Variants in CCDC102B observed in about 807,000 individuals in gnomAD.
CCDC102B encodes coiled-coil domain-containing protein 102B.
A neutral mutation model predicts 57.4 loss-of-function variants in CCDC102B; 75 were observed. The ratio of observed to expected loss-of-function variants is 1.31; its 90% confidence interval spans 1.08 to 1.58. The LOEUF (loss-of-function observed/expected upper bound fraction) is 1.58. CCDC102B is among the 40% of genes most tolerant of loss of function. The pLI is 0.00. For synonymous variants in CCDC102B, 206 were observed against 201.9 expected (o/e 1.02, Z -0.17); for missense variants, 636 against 582.6 (o/e 1.09, Z -0.94).
At chr18:68,809,394 G>T (rs2036158215) in intron 1 of CCDC102B, among the ~76,000 whole-genome samples, 1 of 152,148 alleles carries the variant, frequency 6.6e-6, no homozygotes, top group Admixed American at 6.5e-5. Flanking sequence ...GTTTAAGTTT[G>T]TGTTATAGTT....
chr18:68,727,812 C>T (rs2032667685), intron 2 of CCDC102B, among the ~76,000 whole-genome samples: 2 of 152,178 alleles, frequency 1.3e-5, no homozygotes, highest in Non-Finnish European at 2.9e-5. Flanking sequence ...GAATTACAGG[C>T]TCTGTTCCTG....
intron 7 of CCDC102B, among the ~76,000 whole-genome samples, chr18:69,052,522 G>T (rs931362614): frequency 7.2e-5 from 11 of 151,814 alleles, no homozygotes; most frequent in Admixed American, 1.3e-4. Flanking sequence ...TACATAGTGT[G>T]TGTGTGCACG....
At chr18:68,957,288 A>G (rs2049925920) in intron 6 of CCDC102B, among the ~76,000 whole-genome samples, 2 of 151,888 alleles carry the variant, frequency 1.3e-5, no homozygotes, top group Non-Finnish European at 2.9e-5. Flanking sequence ...TAATGTTTGT[A>G]TTTGGCAATT....
rs1458888028 is a variant in CCDC102B at position 69,054,511 on chromosome 18, G to A, written c.*374G>A. On this transcript the variant is annotated 3_prime_UTR_variant, in exon 8 of 8. Transcript: ENST00000360242. Reference sequence around the variant, plus strand: ...TTAATAAGAAAACCATTGACTTTAAGTATAAAGTACTGGTTTGTTTAAATA... The same window carrying A: ...TTAATAAGAAAACCATTGACTTTAAATATAAAGTACTGGTTTGTTTAAATA... 1.0e-6 allele frequency: 1 copy of A among 998,760 alleles called. No homozygotes were observed. Among genetic ancestry groups the A allele is most frequent in the Admixed American group, 6.0e-5 (1 of 16,720 alleles). 61.9% of individuals were successfully genotyped at this position (998,760 alleles called of 1,614,324 possible).
Position 68,897,377 on chromosome 18 carries a change from T to TC in CCDC102B, c.1213dup (p.Gln405ProfsTer4), listed in dbSNP as rs1789849492. 1.2e-6 allele frequency: 2 copies of TC among 1,612,518 alleles called. No individual in the cohort carries two copies. The highest frequency in any genetic ancestry group is 3.3e-5 in the Admixed American group (2 of 59,810). On this transcript the variant is annotated frameshift_variant, in exon 6 of 8. Coordinates refer to ENST00000360242, the MANE Select transcript of CCDC102B (RefSeq NM_024781.3). LOFTEE classifies it high-confidence loss of function. ...AGAAAAATAGATTAAGTGCAAACTCTCAAAGTCCTGATTTCAAGATGTCAC... is the reference window on the plus strand; with the variant it reads ...AGAAAAATAGATTAAGTGCAAACTCTCCAAAGTCCTGATTTCAAGATGTCAC...
At chr18:68,923,593 A>G (rs1363590333) in intron 6 of CCDC102B, among the ~76,000 whole-genome samples, 3 of 152,094 alleles carry the variant, frequency 2.0e-5, no homozygotes, top group Non-Finnish European at 2.9e-5. Flanking sequence ...GACACCTGAA[A>G]TCCTATGAGA....
chr18:68,751,639 A>G (rs2033854946), intron 2 of CCDC102B, among the ~76,000 whole-genome samples: 1 of 152,204 alleles, frequency 6.6e-6, no homozygotes, highest in Non-Finnish European at 1.5e-5. Flanking sequence ...CACTCTGAAC[A>G]TGTCCATCAA....
At chr18:69,046,455 T>C (rs1568147852) in intron 7 of CCDC102B, among the ~76,000 whole-genome samples, 1 of 152,164 alleles carries the variant, frequency 6.6e-6, no homozygotes, top group African/African-American at 2.4e-5. Flanking sequence ...GTTTTCCTTT[T>C]GTAAATTTTT....
chr18:68,998,533 C>A (rs1386568187), intron 6 of CCDC102B, among the ~76,000 whole-genome samples: 1 of 151,038 alleles, frequency 6.6e-6, no homozygotes, highest in Non-Finnish European at 1.5e-5. Flanking sequence ...AAGGTGAAGT[C>A]CCACAATAGG....
chr18:68,869,956 C>T (rs1478847763), intron 4 of CCDC102B, among the ~76,000 whole-genome samples: 1 of 152,116 alleles, frequency 6.6e-6, no homozygotes, highest in Non-Finnish European at 1.5e-5. Context: ...GCCAGTTTTC[C>T]CAGCACTATT....
intron 7 of CCDC102B, among the ~76,000 whole-genome samples, chr18:69,023,270 T>C (rs2051897198): frequency 6.6e-6 from 1 of 152,156 alleles, no homozygotes; most frequent in African/African-American, 2.4e-5. Context: ...ATCTGTAAGA[T>C]TACATAATTT....
chr18:68,806,993 T>C (rs1389854569), intron 1 of CCDC102B, among the ~76,000 whole-genome samples: 1 of 152,146 alleles, frequency 6.6e-6, no homozygotes, highest in Non-Finnish European at 1.5e-5. Context: ...AAAAATATCT[T>C]CATAGCAACC....
intron 7 of CCDC102B, among the ~76,000 whole-genome samples, chr18:69,047,879 G>T (rs1226894374): frequency 6.6e-6 from 1 of 151,988 alleles, no homozygotes; most frequent in Non-Finnish European, 1.5e-5. Context: ...AAATAAATCA[G>T]ATATGACAAA....
chr18:68,828,638 A>C (rs1488474692), intron 1 of CCDC102B, among the ~76,000 whole-genome samples: 1 of 151,698 alleles, frequency 6.6e-6, no homozygotes, highest in Non-Finnish European at 1.5e-5. Context: ...TAAGGTAATC[A>C]AGCCAATAAT....
intron 6 of CCDC102B, chr18:68,993,415 G>A (rs988511657): frequency 3.4e-4 from 52 of 152,188 alleles, no homozygotes; most frequent in African/African-American, 1.3e-3. Flanking sequence ...GTTTTAAGAA[G>A]GATACATACA....
chr18:68,864,074 TGGAAAGACTG>T lies in CCDC102B; in HGVS notation c.937-10589_937-10580del, dbSNP rs1236428800. Among the ~76,000 whole-genome samples, 6 of 152,112 alleles carry T rather than the reference TGGAAAGACTG, an allele frequency of 3.9e-5. No individual in the cohort carries two copies. The East Asian group carries it at 1.2e-3, about 29-fold the overall frequency. Reference sequence around the variant, plus strand: ...GGTCATTATTTCTAGGCCATTTCAGTGGAAAGACTGGGAAACGTTGTAAATATGTTGAATT... The same window carrying T: ...GGTCATTATTTCTAGGCCATTTCAGTGGAAACGTTGTAAATATGTTGAATT... On this transcript the variant is annotated intron_variant, in intron 4 of 7. Transcript: ENST00000360242.
intron 1 of CCDC102B, among the ~76,000 whole-genome samples, chr18:68,799,886 A>G (rs2035783679): frequency 6.6e-6 from 1 of 152,138 alleles, no homozygotes; most frequent in Non-Finnish European, 1.5e-5. Context: ...AAATTGATAG[A>G]GCATCTTAAC....
At chr18:68,959,034 G>C (rs2049980159) in intron 6 of CCDC102B, among the ~76,000 whole-genome samples, 1 of 152,132 alleles carries the variant, frequency 6.6e-6, no homozygotes, top group Non-Finnish European at 1.5e-5. Context: ...GTGAGGTCAT[G>C]TTTTCTTGGA....
At chr18:68,722,637 C>G (rs922496696) in intron 2 of CCDC102B, among the ~76,000 whole-genome samples, 5 of 152,038 alleles carry the variant, frequency 3.3e-5, no homozygotes, top group African/African-American at 1.2e-4. Flanking sequence ...GAATTAGAAG[C>G]CTTTAGATGT....
Sources: gnomAD v4.1 joint callset for allele counts (sites outside exome capture counted in the v4.1 genomes callset) on GRCh38, gnomAD v4.1.1 for gene constraint, MANE v1.5 for transcripts, NCBI Gene and HGNC (gene_info 2026-07-23, HGNC 2026-07-21) for gene names.